Variants in BRSK2 observed in about 807,000 individuals in gnomAD.
The protein encoded by BRSK2 is serine/threonine-protein kinase BRSK2.
In BRSK2, 19 loss-of-function variants were observed where a neutral mutation model predicts 83.3. The ratio of observed to expected loss-of-function variants is 0.23; its 90% CI spans 0.16 to 0.33. The LOEUF is 0.33. Ranked by LOEUF, BRSK2 falls within the 10% of genes least tolerant of loss-of-function variation. The probability of loss-of-function intolerance (pLI) is 1.00; values close to 1 mark genes in which losing one functional copy is unlikely to be tolerated. For synonymous variants in BRSK2, 519 were observed against 435.4 expected, an observed-to-expected ratio of 1.19 and a Z score of -2.39; for missense variants, 798 against 1,042.3, an observed-to-expected ratio of 0.77 and a Z score of 3.23.
chr11:1,391,029 G>A (rs750742765), intron 1 of BRSK2, among the ~76,000 whole-genome samples: 1 of 152,204 alleles, frequency 6.6e-6, no homozygotes, highest in Non-Finnish European at 1.5e-5. Context: ...CTGACCCGTG[G>A]AGCAGCCCCG....
intron 1 of BRSK2, among the ~76,000 whole-genome samples, chr11:1,420,917 C>T (rs1184895447): frequency 2.0e-5 from 3 of 152,194 alleles, no homozygotes; most frequent in African/African-American, 7.2e-5. Context: ...GGGGCCTGTG[C>T]CCCCCAGGGC....
intron 2 of BRSK2, among the ~76,000 whole-genome samples, chr11:1,437,698 G>C (rs1378851925): frequency 6.6e-6 from 1 of 152,176 alleles, no homozygotes; most frequent in East Asian, 1.9e-4. Flanking sequence ...GGCCTGTCCC[G>C]GCCCCTCCTC....
chr11:1,445,631 C>T lies in BRSK2; in HGVS notation c.1038C>T (p.Ser346=), dbSNP rs748181818. 5 of 1,583,264 alleles carry T rather than the reference C, an allele frequency of 3.2e-6. No individual in the cohort carries two copies. In the African/African-American group the frequency reaches 5.4e-5, roughly 17 times the overall value. The change falls in exon 11 of 20, where the codon AGC becomes AGT. Residue 346 remains serine, a synonymous_variant. Transcript: ENST00000528841. ...TGGACCGGAAAGAAAGGTACCCGAG[C>T]CAGGAGGATGAGGACCTGCCCCCCC... ...LLLDRKERYP[S]QEDEDLPPRN...
chr11:1,436,831 C>T (rs1850372381), intron 2 of BRSK2, among the ~76,000 whole-genome samples: 1 of 152,016 alleles, frequency 6.6e-6, no homozygotes, highest in Non-Finnish European at 1.5e-5. Context: ...TGCAGGGCTG[C>T]GGGTGGGGCA....
At chr11:1,451,322 G>A (rs759324196) in intron 14 of BRSK2, 49 bp from the exon 15 acceptor site, 5 of 1,609,316 alleles carry the variant, frequency 3.1e-6, no homozygotes, top group Non-Finnish European at 4.2e-6. Flanking sequence ...GGCAGGGGAA[G>A]GATGGAGCGG....
chr11:1,429,065 G>C (rs1487165943), intron 1 of BRSK2, among the ~76,000 whole-genome samples: 1 of 148,698 alleles, frequency 6.7e-6, no homozygotes, highest in Non-Finnish European at 1.5e-5. Context: ...ACACAGGTGT[G>C]TGTGCATGGG....
chr11:1,446,383 C>T, intron 12 of BRSK2, among the ~76,000 whole-genome samples: 1 of 149,326 alleles, frequency 6.7e-6, no homozygotes, highest in Non-Finnish European at 1.5e-5. Context: ...CTGGGCAGGG[C>T]TGGGCTGGGC....
intron 2 of BRSK2, among the ~76,000 whole-genome samples, chr11:1,436,439 T>G (rs1314903739): frequency 6.6e-6 from 1 of 152,180 alleles, no homozygotes; most frequent in Non-Finnish European, 1.5e-5. Flanking sequence ...GGGGCTTCAG[T>G]GTTCCCAGCT....
At chr11:1,455,119 C>T (rs947414703) in intron 16 of BRSK2, among the ~76,000 whole-genome samples, 2 of 152,264 alleles carry the variant, frequency 1.3e-5, no homozygotes, top group East Asian at 1.9e-4. Flanking sequence ...CGCTCGGGGT[C>T]TTGGGTGGGC....
intron 1 of BRSK2, among the ~76,000 whole-genome samples, chr11:1,397,346 G>A (rs1846193318): frequency 6.6e-6 from 1 of 152,230 alleles, no homozygotes; most frequent in Non-Finnish European, 1.5e-5. Flanking sequence ...GCCTTTCAGG[G>A]CCCGGCCTGC....
In BRSK2 at chr11:1,460,461, C is replaced by CTTTTTTT. The variant is rs398015179; in HGVS notation, c.1988-28_1988-22dup. ...CTCTCCCCCTTTTTTTTCTTTTTTCCTTTTTTTTTTTTTTTTTGTCTCTGT... is the reference window on the plus strand; with the variant it reads ...CTCTCCCCCTTTTTTTTCTTTTTTCCTTTTTTTTTTTTTTTTTTTTTTTTGTCTCTGT... On this transcript the variant is annotated intron_variant, in intron 19 of 19. Coordinates refer to ENST00000528841, the MANE Select transcript of BRSK2 (RefSeq NM_001256627.2). The CTTTTTTT allele has an allele frequency of 1.4e-4, 74 of 544,452 alleles. 2 individuals are homozygous for CTTTTTTT. The African/African-American group carries it at 2.3e-3, about 17-fold the overall frequency. 33.7% of individuals were successfully genotyped at this position (544,452 alleles called of 1,614,324 possible). A position where few individuals can be genotyped will look rare whatever the true frequency, so the allele number is the denominator to read the frequency against.
chr11:1,440,677 G>T lies in BRSK2; in HGVS notation c.273-111G>T. On this transcript the variant is annotated intron_variant, in intron 3 of 19. Transcript: ENST00000528841. ...CTGCCCCCCCAGCCAGCAAGAGGAT[G>T]GGGGCGGCCTGCAGAGAGGCTGGGC... 6 of 1,379,488 alleles carry T rather than the reference G, an allele frequency of 4.3e-6. No individual in the cohort carries two copies. The South Asian group carries it at 8.4e-5, about 19-fold the overall frequency. The allele number at this position is 1,379,488 out of a possible 1,614,324, so 85.5% of individuals were successfully genotyped here.
At position 1,456,517 on chromosome 11, in the gene BRSK2, C is replaced by G. The variant is rs1157246299; in HGVS notation, c.1838C>G (p.Thr613Ser). Residue 613 changes from threonine to serine, a missense_variant, in exon 17 of 20, where the codon ACC becomes AGC. Around this residue, in one of 6 missense-constraint regions of BRSK2, gnomAD observed 455 missense variants for 455.2 expected, o/e 1.00. Transcript: ENST00000528841. ...KENGIYSVTF[T>S]LLSGPSRRFK... ...AACGGCATCTACTCCGTCACCTTCA[C>G]CCTGCTCTCAGGTGAGCTGGCGCCC... The G allele has an allele frequency of 6.3e-7, 1 of 1,585,568 alleles. No homozygotes were observed. The highest frequency in any genetic ancestry group is 1.1e-5 in the South Asian group (1 of 87,244).
chr11:1,448,385 G>A (rs1247367738), intron 12 of BRSK2, among the ~76,000 whole-genome samples: 3 of 152,150 alleles, frequency 2.0e-5, no homozygotes, highest in Non-Finnish European at 2.9e-5. Flanking sequence ...TTGAGCCCTG[G>A]CCCCGTGCCT....
At position 1,392,717 on chromosome 11, in the gene BRSK2, A is replaced by G. The variant is rs560966455; in HGVS notation, c.91+2342A>G. Among the ~76,000 whole-genome samples the G allele has an allele frequency of 5.3e-5, 8 of 152,320 alleles. No homozygotes were observed. The East Asian group carries it at 1.3e-3, about 26-fold the overall frequency. ...ACCGGGGCCTGGAGGACGCCCTTCT[A>G]GACGCCGCAGGGTCCGGTCGGCTGT... On this transcript the variant is annotated intron_variant, in intron 1 of 19. Transcript: ENST00000528841.
At chr11:1,457,604 C>T (rs1273560020) in intron 18 of BRSK2, among the ~76,000 whole-genome samples, 1 of 152,102 alleles carries the variant, frequency 6.6e-6, no homozygotes, top group East Asian at 1.9e-4. Context: ...GCTGGTACGG[C>T]GTGGGGGCGC....
intron 1 of BRSK2, among the ~76,000 whole-genome samples, chr11:1,418,231 G>T (rs1848299305): frequency 6.8e-6 from 1 of 146,614 alleles, no homozygotes; most frequent in East Asian, 2.2e-4. Flanking sequence ...TCTCTTGAGA[G>T]TGGGTCACAC....
intron 1 of BRSK2, among the ~76,000 whole-genome samples, chr11:1,398,427 C>T (rs1846258970): frequency 6.6e-6 from 1 of 152,132 alleles, no homozygotes; most frequent in South Asian, 2.1e-4. Context: ...GGTACCCGCC[C>T]CGGGAAGGGT....
intron 1 of BRSK2, chr11:1,410,474 TCATGCTGCTGTGTGCG>T (rs1847348333): frequency 1.0e-6 from 1 of 985,422 alleles, no homozygotes; most frequent in East Asian, 1.1e-4. Flanking sequence ...CCCAGCGTAG[TCATGCTGCTGTGTGCG>T]ATGGGTGCTG....
Sources: allele counts gnomAD v4.1 joint callset (sites outside exome capture counted in the v4.1 genomes callset), GRCh38; gene constraint gnomAD v4.1.1; regional missense constraint gnomAD v4.1.1; transcripts MANE v1.5; gene names NCBI Gene and HGNC (gene_info 2026-07-23, HGNC 2026-07-21).